The following RIN2 variants were observed in gnomAD, a reference collection of about 807,000 sequenced individuals.
RIN2 encodes the protein RAB5 interacting protein 2.
RIN2 carries 36 observed loss-of-function variants against 78.0 expected under a neutral mutation model. The observed-to-expected ratio is 0.46, with a 90% CI of 0.35 to 0.61. The LOEUF is 0.61. RIN2 is among the 20% of genes least tolerant of loss of function. The pLI, the probability that RIN2 is intolerant of heterozygous loss-of-function variation, is 0.00. For synonymous variants in RIN2, 466 were observed against 466.8 expected, an observed-to-expected ratio of 1.00 and a Z score of 0.02; for missense variants, 1,087 against 1,159.7, an observed-to-expected ratio of 0.94 and a Z score of 0.91.
chr20:19,779,145 T>C (rs1048664839), intron 1 of RIN2, among the ~76,000 whole-genome samples: 1 of 152,188 alleles, frequency 6.6e-6, no homozygotes, highest in African/African-American at 2.4e-5. Flanking sequence ...CCATATTCCT[T>C]GCAATTCCAG....
At position 19,975,276 on chromosome 20, in the gene RIN2, A is replaced by G. The variant is rs939386125; in HGVS notation, c.1251A>G (p.Glu417=). Reference sequence around the variant, plus strand: ...CAAGGGCCCCGCCGCCCAGCTCTGAATCACGGCCCCCGTGCCATGGAGGCC... The same window carrying G: ...CAAGGGCCCCGCCGCCCAGCTCTGAGTCACGGCCCCCGTGCCATGGAGGCC... ...DCTRAPPPSS[E]SRPPCHGGRQ... Residue 417 remains glutamate (E), a synonymous_variant, in exon 9 of 13, where the codon GAA becomes GAG. Coordinates refer to ENST00000255006, the MANE Select transcript of RIN2 (RefSeq NM_018993.4). This position sits in a 1 kb window ranked among gnomAD's most constrained non-coding sequence, Gnocchi z 4.9. 11 of 1,595,348 alleles carry G rather than the reference A, an allele frequency of 6.9e-6. No individual in the cohort carries two copies. The African/African-American group carries it at 1.5e-4, about 21-fold the overall frequency.
At chr20:19,897,262 A>G (rs6081802) in intron 3 of RIN2, among the ~76,000 whole-genome samples, 58,627 of 151,912 alleles carry the variant, frequency 0.39, 11,375 homozygotes, top group Admixed American at 0.4. Flanking sequence ...AACCGCCACC[A>G]TGCCCAGCTA....
At chr20:19,912,160 G>A (rs577355468) in intron 3 of RIN2, among the ~76,000 whole-genome samples, 6 of 152,312 alleles carry the variant, frequency 3.9e-5, no homozygotes, top group East Asian at 3.9e-4. Flanking sequence ...TCAAGTACAC[G>A]TCAACTGGAC....
chr20:19,767,314 C>T lies in RIN2; in HGVS notation c.-163+8987C>T, dbSNP rs151155588. On this transcript the variant is annotated intron_variant, in intron 1 of 12. Transcript: ENST00000255006. ...CTTTCTTCCAGGTATGGAGCTGACC[C>T]TCTCCGGAATGCTCTTATGACCTAT... Among the ~76,000 whole-genome samples the T allele has an allele frequency of 9.0e-3, 1,375 of 152,308 alleles. 20 individuals are homozygous for T. The highest frequency in any genetic ancestry group is 0.045 in the Admixed American group (682 of 15,300).
chr20:19,790,181 C>T (rs1440785664), intron 1 of RIN2, among the ~76,000 whole-genome samples: 1 of 152,048 alleles, frequency 6.6e-6, no homozygotes, highest in Non-Finnish European at 1.5e-5. Context: ...AATTCTTCAA[C>T]TGCCTTTTGG....
chr20:19,758,384 G>C (rs1293564009), intron 1 of RIN2, 57 bp downstream of exon 1: 1 of 152,320 alleles, frequency 6.6e-6, no homozygotes, highest in Non-Finnish European at 1.5e-5. Context: ...AGAGAGCCCG[G>C]AGAGGCTCCG....
chr20:19,842,590 G>A (rs1268947363), intron 2 of RIN2, among the ~76,000 whole-genome samples: 1 of 151,686 alleles, frequency 6.6e-6, no homozygotes, highest in Non-Finnish European at 1.5e-5. Context: ...TCCCACTGTT[G>A]AGACCTACTG....
chr20:19,940,003 C>A (rs374835107), intron 4 of RIN2, among the ~76,000 whole-genome samples: 1 of 152,154 alleles, frequency 6.6e-6, no homozygotes, highest in South Asian at 2.1e-4. Context: ...TACAGGCACG[C>A]GCCACCACCA....
At chr20:19,979,992 C>T (rs1172510041) in intron 9 of RIN2, among the ~76,000 whole-genome samples, 3 of 140,476 alleles carry the variant, frequency 2.1e-5, no homozygotes, top group African/African-American at 2.6e-5. Context: ...TGCAATAAGC[C>T]GAGATCATGC....
At chr20:19,916,455 C>A (rs2039688788) in intron 3 of RIN2, among the ~76,000 whole-genome samples, 1 of 152,074 alleles carries the variant, frequency 6.6e-6, no homozygotes, top group Non-Finnish European at 1.5e-5. Context: ...TCCATCTGTA[C>A]AAGAAATAAA....
intron 2 of RIN2, among the ~76,000 whole-genome samples, chr20:19,808,722 CCTGCTGCTCGCCACGCAATATCTACTCAG>C (rs2035492123): frequency 6.6e-6 from 1 of 152,194 alleles, no homozygotes; most frequent in African/African-American, 2.4e-5. Context: ...CCACGGAAGG[CCTGCTGCTCGCCACGCAATATCTACTCAG>C]CTGCTGCTGG....
intron 8 of RIN2, 125 bp from the exon 9 acceptor site, chr20:19,974,528 AC>A: frequency 1.1e-6 from 1 of 911,892 alleles, no homozygotes; most frequent in Non-Finnish European, 1.6e-6. Flanking sequence ...AAACCTGAGT[AC>A]AACGCACCCC....
intron 1 of RIN2, among the ~76,000 whole-genome samples, chr20:19,780,701 G>C (rs6046315): frequency 2.0e-5 from 3 of 152,186 alleles, no homozygotes; most frequent in Non-Finnish European, 4.4e-5. Flanking sequence ...TGCAACCCTC[G>C]TGAATCTACT....
At chr20:19,788,432 C>CAAAAAAAAAAAAAAAACA (rs1316215614) in intron 1 of RIN2, among the ~76,000 whole-genome samples, 10 of 53,738 alleles carry the variant, frequency 1.9e-4, no homozygotes, top group African/African-American at 9.9e-4. Context: ...CTGTCTCTGC[C>CAAAAAAAAAAAAAAAACA]AAAAAAAAAA....
At chr20:19,997,335 C>T (rs893740245) in intron 12 of RIN2, among the ~76,000 whole-genome samples, 4 of 152,308 alleles carry the variant, frequency 2.6e-5, no homozygotes, top group Non-Finnish European at 4.4e-5. Flanking sequence ...AGTGACCAGG[C>T]GAGCATCTGA....
upstream of RIN2, chr20:19,758,138 A>T (rs2033450125): frequency 6.6e-6 from 1 of 152,460 alleles, no homozygotes; most frequent in Non-Finnish European, 1.5e-5. Flanking sequence ...GGCCCGAGGC[A>T]AACACAAAGC....
intron 3 of RIN2, among the ~76,000 whole-genome samples, chr20:19,903,973 G>A (rs989165713): frequency 3.9e-5 from 6 of 152,056 alleles, no homozygotes; most frequent in Non-Finnish European, 7.4e-5. Context: ...TGGATGGGCC[G>A]GGCGCCATGG....
At position 19,964,775 on chromosome 20, in the gene RIN2, G is replaced by A. The variant is rs184729413; in HGVS notation, c.464-177G>A. On this transcript the variant is annotated intron_variant, in intron 6 of 12. Transcript: ENST00000255006. ...TCAAGCGATGAACTTCCAGATCATC[G>A]ACTGTTTACCGGTGGCTGCTGGCTG... 2.6e-4 allele frequency among the ~76,000 whole-genome samples: 40 copies of A among 152,250 alleles called. No homozygotes were observed. The East Asian group carries it at 6.9e-3, about 26-fold the overall frequency.
intron 8 of RIN2, among the ~76,000 whole-genome samples, chr20:19,974,316 C>T (rs978559387): frequency 1.3e-5 from 2 of 152,182 alleles, no homozygotes; most frequent in African/African-American, 4.8e-5. Context: ...CAGGAAGCCC[C>T]AGTGACCTTT....
Sources: allele counts gnomAD v4.1 joint callset (sites outside exome capture counted in the v4.1 genomes callset), GRCh38; gene constraint gnomAD v4.1.1; non-coding constraint Gnocchi (gnomAD v3.1); transcripts MANE v1.5; gene names NCBI Gene and HGNC (gene_info 2026-07-23, HGNC 2026-07-21).